WDR41: variants seen among roughly 807,000 people sequenced by gnomAD.
WDR41 encodes the protein WD repeat-containing protein 41.
WDR41 carries 63 observed loss-of-function variants against 69.3 expected under a neutral mutation model. The observed-to-expected ratio is 0.91, with a 90% CI of 0.74 to 1.12. WDR41 has a LOEUF of 1.12. Ranked by LOEUF, WDR41 falls within the 50% of genes most tolerant of loss-of-function variation. The pLI is 0.00. For synonymous variants in WDR41, 185 were observed against 192.1 expected (o/e 0.96, Z 0.31); for missense variants, 543 against 534.5 (o/e 1.02, Z -0.16).
intron 3 of WDR41, among the ~76,000 whole-genome samples, chr5:77,464,068 A>G (rs1800182275): frequency 6.6e-6 from 1 of 152,120 alleles, no homozygotes; most frequent in South Asian, 2.1e-4. Context: ...CTTTTGTAAT[A>G]TTAAGTCAAA....
At chr5:77,613,375 T>G (rs915370039) in intron 1 of WDR41, among the ~76,000 whole-genome samples, 4 of 152,044 alleles carry the variant, frequency 2.6e-5, no homozygotes, top group African/African-American at 9.7e-5. Flanking sequence ...GGAGGCATCA[T>G]GCTACCTGAC....
At chr5:77,461,059 T>TC (rs1170327321) in intron 4 of WDR41, among the ~76,000 whole-genome samples, 2 of 152,228 alleles carry the variant, frequency 1.3e-5, no homozygotes, top group African/African-American at 4.8e-5. Context: ...TACCAGCTAC[T>TC]AACTTCTGTA....
intron 8 of WDR41, among the ~76,000 whole-genome samples, chr5:77,447,383 A>G (rs931278086): frequency 1.3e-5 from 2 of 152,194 alleles, no homozygotes; most frequent in Non-Finnish European, 2.9e-5. Flanking sequence ...TAGAACCAGA[A>G]ATACCATTTG....
chr5:77,479,247 C>A (rs995901978), intron 2 of WDR41, among the ~76,000 whole-genome samples: 1 of 151,556 alleles, frequency 6.6e-6, no homozygotes, highest in African/African-American at 2.4e-5. Context: ...GCCATACTGC[C>A]CAAGGTAATT....
intron 1 of WDR41, among the ~76,000 whole-genome samples, chr5:77,618,370 G>GTT (rs35564512): frequency 5.4e-5 from 8 of 147,550 alleles, no homozygotes; most frequent in African/African-American, 1.7e-4. Context: ...GACTAAACAA[G>GTT]TTTTTTTTTT....
chr5:77,609,474 C>T (rs1744497962), intron 1 of WDR41, among the ~76,000 whole-genome samples: 2 of 152,192 alleles, frequency 1.3e-5, no homozygotes, highest in Admixed American at 1.3e-4. Flanking sequence ...AGAGGAACGA[C>T]TGGACAGCAG....
chr5:77,505,851 T>C (rs1247988804), intron 1 of WDR41, among the ~76,000 whole-genome samples: 1 of 152,190 alleles, frequency 6.6e-6, no homozygotes, highest in East Asian at 1.9e-4. Context: ...AAGCTGAAAC[T>C]GGATCTCTTC....
At chr5:77,565,325 T>C (rs912210589) in intron 1 of WDR41, among the ~76,000 whole-genome samples, 1 of 152,212 alleles carries the variant, frequency 6.6e-6, no homozygotes, top group African/African-American at 2.4e-5. Context: ...GCCAGGCACG[T>C]TAAGCTGAAT....
chr5:77,566,987 T>C (rs908555014), intron 1 of WDR41, among the ~76,000 whole-genome samples: 4 of 152,196 alleles, frequency 2.6e-5, no homozygotes, highest in Admixed American at 2.0e-4. Flanking sequence ...AGAGCCAATA[T>C]GGTAGTACAT....
chr5:77,524,715 C>T (rs151324532), intron 1 of WDR41, among the ~76,000 whole-genome samples: 203 of 152,270 alleles, frequency 1.3e-3, no homozygotes, highest in African/African-American at 4.7e-3. Flanking sequence ...TTCTGCTCCC[C>T]GCAGAACCAC....
At chr5:77,519,430 G>T (rs1802340140) in intron 1 of WDR41, among the ~76,000 whole-genome samples, 1 of 151,714 alleles carries the variant, frequency 6.6e-6, no homozygotes, top group African/African-American at 2.4e-5. Context: ...AGTTCAGGTT[G>T]TAATTTATCT....
intron 2 of WDR41, among the ~76,000 whole-genome samples, chr5:77,468,748 C>T (rs554720384): frequency 9.2e-5 from 14 of 152,212 alleles, no homozygotes; most frequent in Admixed American, 7.2e-4. Flanking sequence ...AGTACAGGCA[C>T]CCCAGTGGTT....
At chr5:77,533,471 T>C (rs1004847859) in intron 1 of WDR41, among the ~76,000 whole-genome samples, 8 of 152,100 alleles carry the variant, frequency 5.3e-5, no homozygotes, top group African/African-American at 1.9e-4. Context: ...GTAAAACACA[T>C]ATACAAAGAT....
chr5:77,485,562 C>G (rs1022449634), intron 2 of WDR41, among the ~76,000 whole-genome samples: 1 of 152,110 alleles, frequency 6.6e-6, no homozygotes. Context: ...AAGGAATGGT[C>G]AAATGAGCAA....
chr5:77,597,159 T>C (rs1580041773), intron 1 of WDR41, among the ~76,000 whole-genome samples: 2 of 150,768 alleles, frequency 1.3e-5, no homozygotes, highest in Middle Eastern at 6.8e-3. Flanking sequence ...GACAAGAAAA[T>C]GGTTTTAACC....
chr5:77,460,908 A>G (rs1272734475), intron 4 of WDR41, among the ~76,000 whole-genome samples: 3 of 152,168 alleles, frequency 2.0e-5, no homozygotes, highest in South Asian at 4.1e-4. Flanking sequence ...GTAAAAACCC[A>G]AGCAGAGTAA....
At chr5:77,435,811 GT>G (rs1798917497) in intron 12 of WDR41, among the ~76,000 whole-genome samples, 1 of 152,150 alleles carries the variant, frequency 6.6e-6, no homozygotes, top group Non-Finnish European at 1.5e-5. Context: ...CAAGGCATAG[GT>G]TTCATTAAAG....
intron 1 of WDR41, among the ~76,000 whole-genome samples, chr5:77,498,084 T>C (rs1478456051): frequency 6.6e-6 from 1 of 152,062 alleles, no homozygotes; most frequent in Non-Finnish European, 1.5e-5. Flanking sequence ...TTACCAGGGA[T>C]GGGAGAGGGG....
At chr5:77,592,841 T>C (rs1744156875) in intron 1 of WDR41, among the ~76,000 whole-genome samples, 1 of 152,244 alleles carries the variant, frequency 6.6e-6, no homozygotes, top group African/African-American at 2.4e-5. Flanking sequence ...AGAACCCTTG[T>C]GATTGACCTT....
Sources: gnomAD v4.1 joint callset for allele counts (sites outside exome capture counted in the v4.1 genomes callset) on GRCh38, gnomAD v4.1.1 for gene constraint, MANE v1.5 for transcripts, NCBI Gene and HGNC (gene_info 2026-07-23, HGNC 2026-07-21) for gene names.